The following NOP58 variants were observed in gnomAD, a reference collection of about 807,000 sequenced individuals.
NOP58 encodes the protein nucleolar protein 58.
NOP58 carries 44 observed loss-of-function variants against 71.2 expected under a neutral mutation model. The ratio of observed to expected loss-of-function variants is 0.62; its 90% CI spans 0.49 to 0.79. The LOEUF (loss-of-function observed/expected upper bound fraction) is 0.79, where lower values mean the gene tolerates loss of function less well. Among genes scored for constraint, NOP58 ranks in the 30% least tolerant of loss-of-function variants. NOP58 has a pLI of 0.00. For missense variants in NOP58, 538 were observed against 620.2 expected (o/e 0.87, Z 1.41); for synonymous variants, 228 against 200.3 (o/e 1.14, Z -1.17).
intron 1 of NOP58, among the ~76,000 whole-genome samples, chr2:202,272,003 C>G (rs1245850029): frequency 6.6e-6 from 1 of 151,644 alleles, no homozygotes. Flanking sequence ...CATTATTTAT[C>G]AAGTCCATAA....
chr2:202,266,998 T>C (rs1297747735), intron 1 of NOP58, among the ~76,000 whole-genome samples: 1 of 151,996 alleles, frequency 6.6e-6, no homozygotes, highest in African/African-American at 2.4e-5. Context: ...TCTGGGCTGG[T>C]GATGTCAGTT....
In NOP58 at chr2:202,291,129, T is replaced by C. The variant is rs1688881740; in HGVS notation, c.639T>C (p.Asp213=). Reference sequence around the variant, plus strand: ...TCCTCTGCAAACATTCCATAGGCGATAGGAAGAACTATGCCTCTGCCAAGC... The same window carrying C: ...TCCTCTGCAAACATTCCATAGGCGACAGGAAGAACTATGCCTCTGCCAAGC... ...TYCKCLQKVG[D]RKNYASAKLS... The change falls in exon 8 of 15, where the codon GAT becomes GAC. Residue 213 remains aspartate (D), a synonymous_variant. Coordinates refer to ENST00000264279, the MANE Select transcript of NOP58 (RefSeq NM_015934.5). 13 of 1,601,736 alleles carry C rather than the reference T, an allele frequency of 8.1e-6. No homozygotes were observed. Among genetic ancestry groups the C allele is most frequent in the African/African-American group, 2.7e-5 (2 of 74,220 alleles).
intron 4 of NOP58, among the ~76,000 whole-genome samples, chr2:202,283,874 A>G (rs1478944956): frequency 1.3e-5 from 2 of 152,216 alleles, no homozygotes; most frequent in African/African-American, 2.4e-5. Flanking sequence ...AGCTTGTATC[A>G]GTTTTTACTT....
chr2:202,300,163 T>A (rs1053251751), intron 12 of NOP58, 71 bp from the exon 13 acceptor site: 1 of 1,320,732 alleles, frequency 7.6e-7, no homozygotes, highest in African/African-American at 1.5e-5. Context: ...TGGCATTTTC[T>A]TTATCTCTTG....
At position 202,290,416 on chromosome 2, in the gene NOP58, T is replaced by C; in HGVS notation, c.593T>C (p.Ile198Thr). 1 of 1,610,870 alleles carries C rather than the reference T, an allele frequency of 6.2e-7. No homozygotes were observed. The highest frequency in any genetic ancestry group is 8.5e-7 in the Non-Finnish European group (1 of 1,177,982). ...GWHFPELGKI[I>T]SDNLTYCKCL... ...CATTTCCCTGAATTAGGAAAAATTA[T>C]TTCAGATAATTTAACATACTGCAAG... The change falls in exon 7 of 15, where the codon ATT (isoleucine) becomes ACT (threonine). Residue 198 changes from isoleucine to threonine, a missense_variant. Physicochemically the swap from Ile to Thr is moderately conservative, Grantham distance 89. Transcript: ENST00000264279.
In NOP58 at chr2:202,275,168, C is replaced by A; in HGVS notation, c.101C>A (p.Thr34Asn). 1 of 1,567,178 alleles carries A rather than the reference C, an allele frequency of 6.4e-7. No homozygotes were observed. Among genetic ancestry groups the A allele is most frequent in the Non-Finnish European group, 8.7e-7 (1 of 1,146,814 alleles). ...GATAGTTTATGGAAAGAATTTGAAA[C>A]TCCAGAGAAAGCAAACAAAATGTAA... ...EVDSLWKEFE[T>N]PEKANKIVKL... Residue 34 changes from threonine (T) to asparagine (N), a missense_variant, in exon 2 of 15, where the codon ACT becomes AAT. Thr to Asn is a moderately conservative substitution (Grantham distance 65). Coordinates refer to ENST00000264279, the MANE Select transcript of NOP58 (RefSeq NM_015934.5).
intron 3 of NOP58, among the ~76,000 whole-genome samples, chr2:202,280,668 T>C (rs1000126627): frequency 2.0e-5 from 3 of 151,776 alleles, no homozygotes; most frequent in African/African-American, 7.3e-5. Context: ...ATAGGGTCTG[T>C]TGGGGTGTGA....
At chr2:202,281,536 G>A (rs1341106048) in intron 3 of NOP58, among the ~76,000 whole-genome samples, 1 of 152,098 alleles carries the variant, frequency 6.6e-6, no homozygotes, top group Non-Finnish European at 1.5e-5. Flanking sequence ...AACTCCCTGG[G>A]CTCAGGTGAT....
chr2:202,290,272 A>G (rs770114993), intron 6 of NOP58, 51 bp from the exon 7 acceptor site: 3 of 1,465,432 alleles, frequency 2.0e-6, no homozygotes, highest in Non-Finnish European at 1.8e-6. Flanking sequence ...TGTATGTTTT[A>G]CCACAATAAA....
At chr2:202,277,496 A>G (rs879808015) in intron 2 of NOP58, among the ~76,000 whole-genome samples, 7 of 151,930 alleles carry the variant, frequency 4.6e-5, no homozygotes, top group Non-Finnish European at 1.0e-4. Context: ...ACAAAAAACC[A>G]TAAAGGGTTA....
chr2:202,301,687 C>A (rs953568797), intron 13 of NOP58, among the ~76,000 whole-genome samples: 2 of 152,184 alleles, frequency 1.3e-5, no homozygotes, highest in Non-Finnish European at 2.9e-5. Context: ...AACCTACTAT[C>A]CATCCACTTA....
chr2:202,289,663 C>A (rs1241057864), intron 6 of NOP58, among the ~76,000 whole-genome samples: 1 of 152,126 alleles, frequency 6.6e-6, no homozygotes, highest in African/African-American at 2.4e-5. Context: ...ATACATATTT[C>A]AACATGATAA....
chr2:202,285,805 C>A (rs181959768), intron 5 of NOP58, among the ~76,000 whole-genome samples: 2 of 152,128 alleles, frequency 1.3e-5, no homozygotes, highest in Admixed American at 1.3e-4. Flanking sequence ...TAGGTAGTTG[C>A]TCAAAACCTG....
chr2:202,297,565 A>AT, intron 11 of NOP58, 52 bp downstream of exon 11: 1 of 1,547,910 alleles, frequency 6.5e-7, no homozygotes, highest in Non-Finnish European at 8.8e-7. Flanking sequence ...AAAAGTTAAT[A>AT]AACTGAGTAA....
At chr2:202,294,481 A>G (rs897905808) in intron 9 of NOP58, among the ~76,000 whole-genome samples, 18 of 152,192 alleles carry the variant, frequency 1.2e-4, no homozygotes, top group South Asian at 4.1e-4. Flanking sequence ...GTTGATAACA[A>G]TAGTCCCCAG....
chr2:202,278,155 TCTGA>T, intron 3 of NOP58, 153 bp downstream of exon 3: 1 of 734,416 alleles, frequency 1.4e-6, no homozygotes, highest in Non-Finnish European at 2.6e-6. Flanking sequence ...ATTTAAGTGA[TCTGA>T]CTCATTCGTC....
chr2:202,274,672 GA>G (rs1484577273), intron 1 of NOP58, among the ~76,000 whole-genome samples: 3 of 152,072 alleles, frequency 2.0e-5, no homozygotes, highest in African/African-American at 7.2e-5. Context: ...CGAGGCACTA[GA>G]ATCTCATAAA....
intron 1 of NOP58, among the ~76,000 whole-genome samples, chr2:202,272,376 G>A (rs554795655): frequency 6.6e-6 from 1 of 151,770 alleles, no homozygotes; most frequent in Non-Finnish European, 1.5e-5. Flanking sequence ...GGATGGTCTC[G>A]ATCTCCTGAC....
At chr2:202,287,131 G>A (rs1020365922) in intron 5 of NOP58, among the ~76,000 whole-genome samples, 6 of 143,584 alleles carry the variant, frequency 4.2e-5, no homozygotes, top group African/African-American at 1.3e-4. Flanking sequence ...ACAGTGGCAC[G>A]TGATCTCGGC....
Sources: gnomAD v4.1 joint callset for allele counts (sites outside exome capture counted in the v4.1 genomes callset) on GRCh38, gnomAD v4.1.1 for gene constraint, MANE v1.5 for transcripts, NCBI Gene and HGNC (gene_info 2026-07-23, HGNC 2026-07-21) for gene names.